Variants in DCC observed in about 807,000 individuals in gnomAD.
The protein encoded by DCC is DCC netrin 1 receptor.
A neutral mutation model predicts 172.5 loss-of-function variants in DCC; 58 were observed. That is an observed-to-expected ratio of 0.34 (90% CI 0.27 to 0.42). DCC has a LOEUF of 0.42. Ranked by LOEUF, DCC falls within the 10% of genes least tolerant of loss-of-function variation. The pLI is 1.00. For synonymous variants in DCC, 709 were observed against 644.5 expected, an observed-to-expected ratio of 1.10 and a Z score of -1.52; for missense variants, 1,740 against 1,791.0, an observed-to-expected ratio of 0.97 and a Z score of 0.51.
At position 53,013,064 on chromosome 18, in the gene DCC, G is replaced by A. The variant is rs142555481; in HGVS notation, c.986-50241G>A. Among the ~76,000 whole-genome samples the A allele has an allele frequency of 2.5e-4, 38 of 152,218 alleles. 2 individuals carry two copies. The East Asian group carries it at 7.0e-3, about 28-fold the overall frequency. ...TAGAATGGCAATCATTAAAAAGTCTGTAAATAACAGATGCTGGCAAGGACT... is the reference window on the plus strand; with the variant it reads ...TAGAATGGCAATCATTAAAAAGTCTATAAATAACAGATGCTGGCAAGGACT... On this transcript the variant is annotated intron_variant, in intron 5 of 28. Coordinates refer to ENST00000442544, the MANE Select transcript of DCC (RefSeq NM_005215.4).
rs1307083537 is a variant in DCC at position 52,598,578 on chromosome 18, G to C, written c.92-153476G>C. Among the ~76,000 whole-genome samples the C allele has an allele frequency of 2.0e-5, 3 of 152,182 alleles. No individual in the cohort carries two copies. The South Asian group carries it at 6.2e-4, about 32-fold the overall frequency. ...TAAACGGTGGCCAGGAATAAGCCTA[G>C]AGAGCCAGCTGCAGGCCTCTTGTGC... On this transcript the variant is annotated intron_variant, in intron 1 of 28. Transcript: ENST00000442544.
intron 7 of DCC, among the ~76,000 whole-genome samples, chr18:53,097,183 A>G (rs990387584): frequency 6.6e-6 from 1 of 152,222 alleles, no homozygotes; most frequent in Non-Finnish European, 1.5e-5. Context: ...AATGTAGACA[A>G]TCTTTTGTTC....
chr18:52,411,832 A>C (rs554544374), intron 1 of DCC, among the ~76,000 whole-genome samples: 1 of 152,276 alleles, frequency 6.6e-6, no homozygotes, highest in Admixed American at 6.5e-5. Flanking sequence ...AAAAATGCTT[A>C]AAATATTGGG....
intron 11 of DCC, among the ~76,000 whole-genome samples, chr18:53,214,699 G>A (rs1247755861): frequency 1.3e-5 from 2 of 151,976 alleles, no homozygotes; most frequent in Non-Finnish European, 2.9e-5. Context: ...TTCCTATTAT[G>A]GGGCAAAAAG....
rs569664522 is a variant in DCC, at chr18:52,992,001, G to T, written c.985+66631G>T. 2.7e-4 allele frequency among the ~76,000 whole-genome samples: 41 copies of T among 152,284 alleles called. 1 individual carries two copies. The South Asian group carries it at 8.3e-3, about 31-fold the overall frequency. On this transcript the variant is annotated intron_variant, in intron 5 of 28. Coordinates refer to ENST00000442544, the MANE Select transcript of DCC (RefSeq NM_005215.4). ...TGTGAAAATTAGCATTTGCACTTGC[G>T]CAGCTCTCACAATTTAAGCAATTTT...
chr18:52,804,837 C>T (rs1264042866), intron 2 of DCC, among the ~76,000 whole-genome samples: 1 of 152,170 alleles, frequency 6.6e-6, no homozygotes, highest in Non-Finnish European at 1.5e-5. Flanking sequence ...CCACCTTGGC[C>T]TCCCAAAGTG....
chr18:52,930,927 T>A (rs983654828), intron 5 of DCC, among the ~76,000 whole-genome samples: 2 of 152,124 alleles, frequency 1.3e-5, no homozygotes, highest in African/African-American at 4.8e-5. Context: ...ATGGATTACA[T>A]GTTGAATGTT....
chr18:53,355,106 A>G (rs2057862892), intron 15 of DCC, among the ~76,000 whole-genome samples: 1 of 151,964 alleles, frequency 6.6e-6, no homozygotes, highest in African/African-American at 2.4e-5. Context: ...ATTATTTCTG[A>G]GGGCTCTGTT....
intron 1 of DCC, among the ~76,000 whole-genome samples, chr18:52,437,536 A>G (rs10502944): frequency 0.012 from 1,755 of 152,342 alleles, 82 homozygotes; most frequent in East Asian, 0.093. Flanking sequence ...AGTTTAAATA[A>G]GAAGAGCCTC....
chr18:52,556,382 A>T (rs568230492), intron 1 of DCC, among the ~76,000 whole-genome samples: 1 of 152,268 alleles, frequency 6.6e-6, no homozygotes, highest in South Asian at 2.1e-4. Context: ...AAGACAACAT[A>T]GAATATGATT....
intron 26 of DCC, among the ~76,000 whole-genome samples, chr18:53,494,971 T>C (rs1332786659): frequency 1.3e-5 from 2 of 152,216 alleles, no homozygotes; most frequent in Non-Finnish European, 2.9e-5. Context: ...AGTGCCTCCT[T>C]CAGGAGCTCT....
intron 1 of DCC, among the ~76,000 whole-genome samples, chr18:52,598,635 G>A (rs934382681): frequency 2.0e-5 from 3 of 152,234 alleles, no homozygotes; most frequent in Non-Finnish European, 4.4e-5. Flanking sequence ...ATTCTTCTGC[G>A]GATCATAGCC....
chr18:53,481,310 A>T (rs527901129), intron 25 of DCC, among the ~76,000 whole-genome samples: 1 of 152,298 alleles, frequency 6.6e-6, no homozygotes, highest in African/African-American at 2.4e-5. Flanking sequence ...GAGTAGAACT[A>T]GGTAACGAAT....
At chr18:53,307,925 ATATATATATATATATATATATATATG>A in intron 13 of DCC, among the ~76,000 whole-genome samples, 1 of 96,424 alleles carries the variant, frequency 1.0e-5, no homozygotes, top group East Asian at 3.0e-4. Flanking sequence ...ATATATATAT[ATATATATATATATATATATATATATG>A]TATTTTATAC....
chr18:53,490,189 A>G (rs2045945355), intron 26 of DCC, among the ~76,000 whole-genome samples: 1 of 151,992 alleles, frequency 6.6e-6, no homozygotes, highest in Non-Finnish European at 1.5e-5. Context: ...TGAGGAGTGC[A>G]ATGGAGTTCA....
At chr18:53,220,711 G>A (rs1291728820) in intron 12 of DCC, among the ~76,000 whole-genome samples, 1 of 152,168 alleles carries the variant, frequency 6.6e-6, no homozygotes, top group Non-Finnish European at 1.5e-5. Context: ...ATTTCTGCCT[G>A]AGCATAGTAT....
intron 7 of DCC, among the ~76,000 whole-genome samples, chr18:53,085,551 G>A (rs911016069): frequency 1.3e-5 from 2 of 152,164 alleles, no homozygotes; most frequent in South Asian, 4.2e-4. Context: ...AAATCCTACA[G>A]GGTATTATTA....
chr18:53,385,202 AG>A (rs1404562153), intron 15 of DCC, among the ~76,000 whole-genome samples: 10 of 152,116 alleles, frequency 6.6e-5, no homozygotes, highest in Non-Finnish European at 1.5e-5. Context: ...GACAGGGTTC[AG>A]CAAACTACAG....
intron 9 of DCC, among the ~76,000 whole-genome samples, chr18:53,201,812 C>A (rs1392271340): frequency 6.6e-6 from 1 of 152,058 alleles, no homozygotes; most frequent in East Asian, 1.9e-4. Context: ...AAAAGTATTT[C>A]TTCCTGGAAG....
Sources: allele counts gnomAD v4.1 joint callset (sites outside exome capture counted in the v4.1 genomes callset), GRCh38; gene constraint gnomAD v4.1.1; transcripts MANE v1.5; gene names NCBI Gene and HGNC (gene_info 2026-07-23, HGNC 2026-07-21).